NBEAL2: variants seen among roughly 807,000 people sequenced by gnomAD.
NBEAL2 encodes the protein neurobeachin like 2.
NBEAL2 carries 160 observed loss-of-function variants against 299.8 expected under a neutral mutation model. The observed-to-expected ratio is 0.53, with a 90% confidence interval of 0.47 to 0.61. The LOEUF (loss-of-function observed/expected upper bound fraction) is 0.61, where lower values mean the gene tolerates loss of function less well. Ranked by LOEUF, NBEAL2 falls within the 20% of genes least tolerant of loss-of-function variation. The pLI is 0.00. For missense variants in NBEAL2, 3,112 were observed against 3,649.0 expected (o/e 0.85, Z 3.79); for synonymous variants, 1,493 against 1,542.3 (o/e 0.97, Z 0.75).
In NBEAL2 at chr3:46,993,032, T is replaced by C. The variant is rs534502293; in HGVS notation, c.1113+477T>C. On this transcript the variant is annotated intron_variant, in intron 10 of 53. Transcript: ENST00000450053. ...CTGTAGGAGGCTGCAGGGTGTCAGC[T>C]GGCAGCTTCACAGCGGGCACCCTTT... Among the ~76,000 whole-genome samples, 15 of 152,314 alleles carry C rather than the reference T, an allele frequency of 9.8e-5. No individual in the cohort carries two copies. The South Asian group carries it at 3.1e-3, about 32-fold the overall frequency.
chr3:46,994,428 A>C (rs1167806333), intron 11 of NBEAL2, 27 bp from the exon 12 acceptor site: 1 of 1,556,298 alleles, frequency 6.4e-7, no homozygotes, highest in Non-Finnish European at 8.7e-7. Flanking sequence ...GTATGTGTTC[A>C]CTTCTTCCCC....
intron 1 of NBEAL2, among the ~76,000 whole-genome samples, chr3:46,980,739 ATCAC>A (rs2035272464): frequency 6.6e-6 from 1 of 152,128 alleles, no homozygotes; most frequent in Non-Finnish European, 1.5e-5. Context: ...AGAACCTGGT[ATCAC>A]TCACACCGTC....
Position 47,007,631 on chromosome 3 carries a change from G to A in NBEAL2, c.7441G>A (p.Asp2481Asn), listed in dbSNP as rs1232216193. The change falls in exon 48 of 54, where the codon GAT (aspartate) becomes AAT (asparagine). Residue 2481 changes from aspartate (D) to asparagine (N), a missense_variant. Physicochemically the swap from Asp to Asn is conservative, Grantham distance 23 (BLOSUM62 1). This residue lies in a region of NBEAL2 where 348 missense variants were observed against 381.4 expected (regional missense o/e 0.91). Transcript: ENST00000450053. ...GCTGCTATTCAGCGGTGGCCACTGGGATGGCAGCCTGCGGGTGACTGCACT... is the reference window on the plus strand; with the variant it reads ...GCTGCTATTCAGCGGTGGCCACTGGAATGGCAGCCTGCGGGTGACTGCACT... ...GKLLFSGGHWDGSLRVTALPR... is the reference protein window; with the variant it reads ...GKLLFSGGHWNGSLRVTALPR... The A allele has an allele frequency of 1.2e-6, 2 of 1,611,416 alleles. No individual in the cohort carries two copies. Among genetic ancestry groups the A allele is most frequent in the Non-Finnish European group, 1.7e-6 (2 of 1,179,186 alleles).
At chr3:47,008,498 T>C in intron 51 of NBEAL2, 22 bp from the exon 52 acceptor site, 1 of 1,610,908 alleles carries the variant, frequency 6.2e-7, no homozygotes, top group East Asian at 2.2e-5. Context: ...CTGTCCTTGC[T>C]GACACTCCCT....
At chr3:46,996,726 C>T in intron 16 of NBEAL2, 25 bp from the exon 17 acceptor site, 1 of 1,606,706 alleles carries the variant, frequency 6.2e-7, no homozygotes, top group Non-Finnish European at 8.5e-7. Flanking sequence ...CTAGCAAGGT[C>T]TGAAGCCCCC....
Position 47,008,060 on chromosome 3 carries a change from T to G in NBEAL2, c.7603-10T>G. 1 of 1,612,980 alleles carries G rather than the reference T, an allele frequency of 6.2e-7. No individual in the cohort carries two copies. Among genetic ancestry groups the G allele is most frequent in the Non-Finnish European group, 8.5e-7 (1 of 1,179,048 alleles). ...GGGGACAGTCCTAAGCCAACCCTGGTCCTCCACAGGGTGGTCTGTCAGTAG... is the reference window on the plus strand; with the variant it reads ...GGGGACAGTCCTAAGCCAACCCTGGGCCTCCACAGGGTGGTCTGTCAGTAG... On this transcript the variant is annotated splice_polypyrimidine_tract_variant and intron_variant, in intron 49 of 53. Transcript: ENST00000450053.
intron 1 of NBEAL2, among the ~76,000 whole-genome samples, chr3:46,980,975 G>A (rs2035290097): frequency 6.6e-6 from 1 of 152,206 alleles, no homozygotes; most frequent in Admixed American, 6.5e-5. Context: ...TAAGGAGGCT[G>A]GCCCACTGTC....
In NBEAL2 at chr3:47,009,332, C is replaced by A; in HGVS notation, c.*12C>A. 1 of 1,574,998 alleles carries A rather than the reference C, an allele frequency of 6.3e-7. No homozygotes were observed. Among genetic ancestry groups the A allele is most frequent in the Non-Finnish European group, 8.6e-7 (1 of 1,160,640 alleles). ...CTGAGGCGCGCTGAACCTGGCCAGT[C>A]CGGCTGCTCGGGCCCCGCCCCCGGC... On this transcript the variant is annotated 3_prime_UTR_variant, in exon 54 of 54. Transcript: ENST00000450053.
chr3:47,003,591 A>G lies in NBEAL2; in HGVS notation c.5721-225A>G, dbSNP rs2037194185. ...TGGGCAGGGGCTGGGTGAGGGGAGC[A>G]GGGGACAAGGGTTGGCATCCTGGCA... is the stretch of plus-strand genomic sequence containing the variant. On this transcript the variant is annotated intron_variant, in intron 35 of 53. Transcript: ENST00000450053. This position sits in a 1 kb window ranked among gnomAD's most constrained non-coding sequence, Gnocchi z 7.0. Among the ~76,000 whole-genome samples the G allele has an allele frequency of 6.6e-6, 1 of 152,070 alleles. No homozygotes were observed.
In NBEAL2 at chr3:47,001,420, G is replaced by C. The variant is rs896243283; in HGVS notation, c.4626G>C (p.Gln1542His). Reference protein sequence around the residue: ...DFLCAEGHGNQELWSEKLFEG... With the variant: ...DFLCAEGHGNHELWSEKLFEG... ...TGTGTGCTGAAGGCCATGGTAACCAGGAACTGTGGAGTGAGAAGGTGCGAC... is the reference window on the plus strand; with the variant it reads ...TGTGTGCTGAAGGCCATGGTAACCACGAACTGTGGAGTGAGAAGGTGCGAC... The change falls in exon 29 of 54, where the codon CAG becomes CAC. Residue 1542 changes from glutamine (Q) to histidine (H), a missense_variant. Physicochemically the swap from Gln to His is conservative, Grantham distance 24 (BLOSUM62 0). Coordinates refer to ENST00000450053, the MANE Select transcript of NBEAL2 (RefSeq NM_015175.3). The surrounding 1 kb of genome is among the most constrained non-coding windows in gnomAD (Gnocchi z 6.1). 5 of 1,612,854 alleles carry C rather than the reference G, an allele frequency of 3.1e-6. No individual in the cohort carries two copies. The highest frequency in any genetic ancestry group is 4.2e-6 in the Non-Finnish European group (5 of 1,179,802).
At chr3:47,006,922 T>G (rs1484859959) in intron 45 of NBEAL2, 144 bp from the exon 46 acceptor site, 1 of 663,376 alleles carries the variant, frequency 1.5e-6, no homozygotes, top group Non-Finnish European at 2.5e-6. Context: ...TCTCTGCCTG[T>G]TTCTTGGAGG....
At chr3:46,993,853 G>A (rs2036279044) in intron 10 of NBEAL2, 84 bp from the exon 11 acceptor site, 2 of 1,265,018 alleles carry the variant, frequency 1.6e-6, no homozygotes, top group Admixed American at 4.0e-5. Context: ...GGGGTGCTTG[G>A]CTCTGCACCT....
At position 47,008,983 on chromosome 3, in the gene NBEAL2, T is replaced by G; in HGVS notation, c.8028-6T>G. 1 of 1,598,916 alleles carries G rather than the reference T, an allele frequency of 6.3e-7. No individual in the cohort carries two copies. Among genetic ancestry groups the G allele is most frequent in the East Asian group, 2.2e-5 (1 of 44,882 alleles). On this transcript the variant is annotated splice_region_variant and splice_polypyrimidine_tract_variant and intron_variant, in intron 52 of 53. Coordinates refer to ENST00000450053, the MANE Select transcript of NBEAL2 (RefSeq NM_015175.3). ...CAAGTTGGTGTATATCCCCTCTCCC[T>G]TCCAGACTGCTCCCGGCCGCGCCTC...
intron 24 of NBEAL2, 53 bp from the exon 25 acceptor site, chr3:46,999,262 T>G (rs1269882245): frequency 6.4e-7 from 1 of 1,567,372 alleles, no homozygotes; most frequent in Non-Finnish European, 8.7e-7. Flanking sequence ...TGACTTCCCC[T>G]CCTACAGTAA....
Position 47,009,334 on chromosome 3 carries a change from G to A in NBEAL2, c.*14G>A. 1 of 1,570,692 alleles carries A rather than the reference G, an allele frequency of 6.4e-7. No individual in the cohort carries two copies. The highest frequency in any genetic ancestry group is 8.6e-7 in the Non-Finnish European group (1 of 1,158,260). On this transcript the variant is annotated 3_prime_UTR_variant, in exon 54 of 54. Transcript: ENST00000450053. ...GAGGCGCGCTGAACCTGGCCAGTCC[G>A]GCTGCTCGGGCCCCGCCCCCGGCAG... is the stretch of plus-strand genomic sequence containing the variant.
rs376348938 is a variant in NBEAL2, at chr3:47,003,179, G to A, written c.5590G>A (p.Val1864Ile). The A allele has an allele frequency of 1.9e-6, 3 of 1,605,952 alleles. No homozygotes were observed. The highest frequency in any genetic ancestry group is 2.6e-6 in the Non-Finnish European group (3 of 1,174,528). The change falls in exon 35 of 54, where the codon GTT (valine) becomes ATT (isoleucine). Residue 1864 changes from valine to isoleucine, a missense_variant. Transcript: ENST00000450053. This position sits in a 1 kb window ranked among gnomAD's most constrained non-coding sequence, Gnocchi z 7.0. ...GTACCCTTGGCCCCTTGCAGGTGAG[G>A]TTCCCCTGACACCCACCGAGGAGGC... ...ASALRDNLGEVPLTPTEEASL... is the reference protein window; with the variant it reads ...ASALRDNLGEIPLTPTEEASL...
chr3:46,999,137 TC>T lies in NBEAL2; in HGVS notation c.3543+24del. 6.4e-7 allele frequency: 1 copy of T among 1,552,980 alleles called. No individual in the cohort carries two copies. On this transcript the variant is annotated intron_variant, in intron 24 of 53. Coordinates refer to ENST00000450053, the MANE Select transcript of NBEAL2 (RefSeq NM_015175.3). The stretch of plus-strand genomic sequence containing the variant: ...TGCAAGGTACACCCAGCCCACCCCC[TC>T]CCCTGGCATCCCATTCACTGGGGCC...
At position 47,008,191 on chromosome 3, in the gene NBEAL2, G is replaced by A. The variant is rs370614520; in HGVS notation, c.7719+5G>A. ...ATGGCTGTGTCTGGATCTGAGGTGTGTGTATGCATGTGCCCTGGGGAGGGT... is the reference window on the plus strand; with the variant it reads ...ATGGCTGTGTCTGGATCTGAGGTGTATGTATGCATGTGCCCTGGGGAGGGT... On this transcript the variant is annotated splice_donor_5th_base_variant and intron_variant, in intron 50 of 53. Coordinates refer to ENST00000450053, the MANE Select transcript of NBEAL2 (RefSeq NM_015175.3). The A allele has an allele frequency of 2.6e-5, 42 of 1,613,804 alleles. No homozygotes were observed. Among genetic ancestry groups the A allele is most frequent in the Non-Finnish European group, 3.6e-5 (42 of 1,179,848 alleles).
intron 1 of NBEAL2, among the ~76,000 whole-genome samples, chr3:46,983,746 A>G (rs996723785): frequency 1.3e-5 from 2 of 152,060 alleles, no homozygotes; most frequent in Non-Finnish European, 2.9e-5. Flanking sequence ...AGTGATAGGG[A>G]GATGAGCACA....
Sources: allele counts gnomAD v4.1 joint callset (sites outside exome capture counted in the v4.1 genomes callset), GRCh38; gene constraint gnomAD v4.1.1; regional missense constraint gnomAD v4.1.1; non-coding constraint Gnocchi (gnomAD v3.1); transcripts MANE v1.5; gene names NCBI Gene and HGNC (gene_info 2026-07-23, HGNC 2026-07-21).